SV2C: variants seen among roughly 807,000 people sequenced by gnomAD.
SV2C encodes synaptic vesicle glycoprotein 2C, also known as solute carrier family 22 member B3.
A neutral mutation model predicts 79.7 loss-of-function variants in SV2C; 49 were observed. That is an observed-to-expected ratio of 0.61 (90% CI 0.49 to 0.78). SV2C has a LOEUF of 0.78. SV2C is among the 30% of genes least tolerant of loss of function. The pLI, the probability that SV2C is intolerant of heterozygous loss-of-function variation, is 0.00. For missense variants in SV2C, 833 were observed against 912.9 expected (o/e 0.91, Z 1.13); for synonymous variants, 334 against 333.2 (o/e 1.00, Z -0.03).
At chr5:76,091,065 A>G (rs1747359621) in intron 1 of SV2C, among the ~76,000 whole-genome samples, 1 of 152,194 alleles carries the variant, frequency 6.6e-6, no homozygotes, top group Non-Finnish European at 1.5e-5. Context: ...GTGATATTCT[A>G]ATAAATCCAT....
the SV2C span, among the ~76,000 whole-genome samples, chr5:76,029,256 C>A: frequency 6.6e-6 from 1 of 152,224 alleles, no homozygotes; most frequent in Admixed American, 6.5e-5. Context: ...TATCCTCTTA[C>A]AATTTTCAAA....
the SV2C span, among the ~76,000 whole-genome samples, chr5:75,934,886 T>TG: frequency 3.8e-5 from 1 of 26,626 alleles, no homozygotes; most frequent in Non-Finnish European, 6.0e-5. Flanking sequence ...CAAAGTTAAC[T>TG]TTTTTTTTTT....
chr5:75,975,641 A>C, the SV2C span, among the ~76,000 whole-genome samples: 1 of 152,192 alleles, frequency 6.6e-6, no homozygotes, highest in East Asian at 1.9e-4. Context: ...GTGAACTCGC[A>C]ACAGGAAGGA....
intron 3 of SV2C, among the ~76,000 whole-genome samples, chr5:76,205,076 A>C (rs1317000255): frequency 1.3e-5 from 2 of 152,208 alleles, no homozygotes; most frequent in Non-Finnish European, 2.9e-5. Context: ...TGGGGAAAAT[A>C]AATGAATATA....
At chr5:75,967,696 A>G in the SV2C span, among the ~76,000 whole-genome samples, 2 of 152,236 alleles carry the variant, frequency 1.3e-5, no homozygotes, top group East Asian at 1.9e-4. Flanking sequence ...GGTGGACCCC[A>G]CCACAGATCA....
the SV2C span, among the ~76,000 whole-genome samples, chr5:76,072,240 A>G: frequency 6.6e-6 from 1 of 152,222 alleles, no homozygotes; most frequent in African/African-American, 2.4e-5. Context: ...ATTTTGGAAA[A>G]CAAAGTTCAA....
intron 2 of SV2C, among the ~76,000 whole-genome samples, chr5:76,178,842 A>G (rs1743623650): frequency 6.6e-6 from 1 of 152,216 alleles, no homozygotes; most frequent in Non-Finnish European, 1.5e-5. Context: ...TGGGACACTC[A>G]AGATTTTATG....
At chr5:75,915,568 C>G in the SV2C span, among the ~76,000 whole-genome samples, 5 of 152,290 alleles carry the variant, frequency 3.3e-5, no homozygotes, top group East Asian at 7.7e-4. Flanking sequence ...GTCACTGTAA[C>G]AACTCAACAT....
At chr5:76,138,673 T>C (rs912502130) in intron 2 of SV2C, among the ~76,000 whole-genome samples, 2 of 152,158 alleles carry the variant, frequency 1.3e-5, no homozygotes, top group African/African-American at 4.8e-5. Flanking sequence ...AGGGATTTTG[T>C]CTGTTGTTCC....
At chr5:76,284,395 A>G (rs1163228352) in intron 4 of SV2C, among the ~76,000 whole-genome samples, 2 of 152,150 alleles carry the variant, frequency 1.3e-5, no homozygotes, top group African/African-American at 4.8e-5. Context: ...ATTCCTAATA[A>G]TTGTACTGGT....
chr5:75,878,807 A>G, the SV2C span, among the ~76,000 whole-genome samples: 1 of 152,126 alleles, frequency 6.6e-6, no homozygotes, highest in African/African-American at 2.4e-5. Flanking sequence ...GTAACAGGCA[A>G]TTTTTGCATT....
the SV2C span, among the ~76,000 whole-genome samples, chr5:75,865,521 A>T: frequency 6.6e-6 from 1 of 152,208 alleles, no homozygotes; most frequent in African/African-American, 2.4e-5. Context: ...GATGATGTAG[A>T]AGAAGAATCT....
the SV2C span, among the ~76,000 whole-genome samples, chr5:76,013,646 C>T: frequency 2.9e-4 from 44 of 151,740 alleles, no homozygotes; most frequent in African/African-American, 1.1e-3. Context: ...ATGAAAAGTA[C>T]CCTAAACATA....
the SV2C span, among the ~76,000 whole-genome samples, chr5:75,893,089 A>AT: frequency 2.0e-5 from 3 of 152,004 alleles, no homozygotes; most frequent in Non-Finnish European, 4.4e-5. Flanking sequence ...AACATCTGTT[A>AT]TTTTTTAATT....
chr5:76,056,235 A>G, the SV2C span, among the ~76,000 whole-genome samples: 103 of 152,296 alleles, frequency 6.8e-4, no homozygotes, highest in Middle Eastern at 3.4e-3. Context: ...CCTTTTCTGC[A>G]TCTGTTGAGA....
chr5:75,887,118 G>A, the SV2C span, among the ~76,000 whole-genome samples: 23,216 of 151,992 alleles, frequency 0.15, 2,668 homozygotes, highest in African/African-American at 0.32. Flanking sequence ...TGATGTATAA[G>A]TATGATGTTT....
At chr5:76,348,489 T>C (rs1749585686) in intron 12 of SV2C, among the ~76,000 whole-genome samples, 1 of 152,230 alleles carries the variant, frequency 6.6e-6, no homozygotes, top group Admixed American at 6.5e-5. Flanking sequence ...AAGGATATGT[T>C]TAGTTTGTAA....
chr5:75,965,209 C>T, the SV2C span, among the ~76,000 whole-genome samples: 3 of 152,118 alleles, frequency 2.0e-5, no homozygotes, highest in East Asian at 5.8e-4. Context: ...GGGCTTACAA[C>T]CAACCTGAGA....
chr5:76,157,001 A>G (rs1221891115), intron 2 of SV2C, among the ~76,000 whole-genome samples: 2 of 152,124 alleles, frequency 1.3e-5, no homozygotes, highest in Admixed American at 1.3e-4. Context: ...AGAAGAAATA[A>G]TAGCTTTTCA....
Sources: allele counts gnomAD v4.1 joint callset (sites outside exome capture counted in the v4.1 genomes callset), GRCh38; gene constraint gnomAD v4.1.1; transcripts MANE v1.5; gene names NCBI Gene and HGNC (gene_info 2026-07-23, HGNC 2026-07-21).